The following PHF3 variants were observed in gnomAD, a reference collection of about 807,000 sequenced individuals.
PHF3 encodes the protein PHD finger protein 3.
Under a neutral mutation model 178.4 loss-of-function variants are expected in PHF3, and 41 were observed. That is an observed-to-expected ratio of 0.23 (90% CI 0.18 to 0.30). PHF3 has a LOEUF of 0.30. Among genes scored for constraint, PHF3 ranks in the 10% least tolerant of loss-of-function variants. The pLI is 1.00. For synonymous variants in PHF3, 842 were observed against 800.5 expected (o/e 1.05, Z -0.88); for missense variants, 2,346 against 2,398.1 (o/e 0.98, Z 0.45).
At chr6:63,662,612 T>C (rs1765515910) in intron 2 of PHF3, among the ~76,000 whole-genome samples, 1 of 152,230 alleles carries the variant, frequency 6.6e-6, no homozygotes, top group African/African-American at 2.4e-5. Context: ...GATCTGGATC[T>C]ACTGGTATTG....
At chr6:63,670,581 C>T (rs997041791) in intron 2 of PHF3, among the ~76,000 whole-genome samples, 7 of 152,012 alleles carry the variant, frequency 4.6e-5, no homozygotes, top group Admixed American at 2.0e-4. Flanking sequence ...CCACCGTGCC[C>T]GGCGGAGGTG....
At chr6:63,706,596 A>T (rs181348388) in intron 12 of PHF3, 133 bp from the exon 13 acceptor site, 8 of 693,134 alleles carry the variant, frequency 1.2e-5, no homozygotes, top group South Asian at 4.3e-5. Context: ...TTATAAAATG[A>T]AAGTGTGAAC....
At chr6:63,683,964 A>G (rs1044835334) in intron 3 of PHF3, among the ~76,000 whole-genome samples, 165 bp from the exon 4 acceptor site, 2 of 152,150 alleles carry the variant, frequency 1.3e-5, no homozygotes, top group Admixed American at 6.5e-5. Flanking sequence ...TAAATTATAT[A>G]TATGTGTATA....
At position 63,645,974 on chromosome 6, in the gene PHF3, C is replaced by T. The variant is rs571593916; in HGVS notation, c.-25-553C>T. On this transcript the variant is annotated intron_variant, in intron 1 of 15. Transcript: ENST00000262043. ...TTAATAGTTTCTTTTTCATTTTCCA[C>T]CTCTTCCCCCACAATAAAAGCCCTT... Among the ~76,000 whole-genome samples the T allele has an allele frequency of 4.6e-5, 7 of 152,040 alleles. 2 individuals carry two copies. The highest frequency in any genetic ancestry group is 1.7e-4 in the African/African-American group (7 of 41,512).
intron 13 of PHF3, among the ~76,000 whole-genome samples, 177 bp downstream of exon 13, chr6:63,707,053 C>G (rs1767724416): frequency 6.6e-6 from 1 of 152,108 alleles, no homozygotes; most frequent in Non-Finnish European, 1.5e-5. Flanking sequence ...GTAAAATAAA[C>G]TATTCTCTGA....
Position 63,722,333 on chromosome 6 carries a change from C to G in PHF3, c.*8625C>G, listed in dbSNP as rs960191267. ...AACTAGATAACTCCTACCTGTCCTT[C>G]AGGTTTCAGATCAAGTGTCACTTCC... On this transcript the variant is annotated 3_prime_UTR_variant, in exon 16 of 16. Coordinates refer to ENST00000262043, the MANE Select transcript of PHF3 (RefSeq NM_001370348.2). Among the ~76,000 whole-genome samples the G allele has an allele frequency of 2.0e-5, 3 of 152,170 alleles. No individual in the cohort carries two copies. Among genetic ancestry groups the G allele is most frequent in the African/African-American group, 2.4e-5 (1 of 41,444 alleles).
At position 63,684,595 on chromosome 6, in the gene PHF3, A is replaced by G; in HGVS notation, c.873A>G (p.Lys291=). The change falls in exon 4 of 16, where the codon AAA becomes AAG. Residue 291 remains lysine (K), a synonymous_variant. Transcript: ENST00000262043. ...GTCCATTGTTTAAGTTTTCAGATAAAGAAGAACATGAACAAAATGATTCCA... is the reference window on the plus strand; with the variant it reads ...GTCCATTGTTTAAGTTTTCAGATAAGGAAGAACATGAACAAAATGATTCCA... ...VGSPLFKFSD[K]EEHEQNDSIS... The G allele has an allele frequency of 6.2e-7, 1 of 1,613,956 alleles. No individual in the cohort carries two copies. Among genetic ancestry groups the G allele is most frequent in the Non-Finnish European group, 8.5e-7 (1 of 1,179,894 alleles).
rs200280070 is a variant in PHF3, at chr6:63,685,681, G to C, written c.1959G>C (p.Glu653Asp). The C allele has an allele frequency of 4.3e-6, 7 of 1,613,938 alleles. No individual in the cohort carries two copies. Among genetic ancestry groups the C allele is most frequent in the Admixed American group, 3.3e-5 (2 of 59,974 alleles). The change falls in exon 4 of 16, where the codon GAG becomes GAC. Residue 653 changes from glutamate to aspartate, a missense_variant. Physicochemically the swap from Glu to Asp is conservative, Grantham distance 45. Around this residue, in one of 8 missense-constraint regions of PHF3, gnomAD observed 843 missense variants for 795.2 expected, o/e 1.06. Coordinates refer to ENST00000262043, the MANE Select transcript of PHF3 (RefSeq NM_001370348.2). ...VKEELEHPGV[E>D]HFKEEDKLKL... is the part of the protein sequence containing the mutation. ...AAGAGCTTGAACACCCAGGCGTTGA[G>C]CATTTTAAGGAAGAGGATAAACTGA...
chr6:63,666,882 G>T (rs1224979710), intron 2 of PHF3, among the ~76,000 whole-genome samples: 1 of 151,848 alleles, frequency 6.6e-6, no homozygotes, highest in Non-Finnish European at 1.5e-5. Context: ...CTCCCAAGTA[G>T]CTGGGATTAC....
At chr6:63,659,645 A>G (rs1765384968) in intron 2 of PHF3, among the ~76,000 whole-genome samples, 1 of 152,192 alleles carries the variant, frequency 6.6e-6, no homozygotes, top group South Asian at 2.1e-4. Context: ...GAAGTGTTTC[A>G]GATTTTGGAT....
intron 6 of PHF3, among the ~76,000 whole-genome samples, chr6:63,695,213 A>G (rs1767182277): frequency 2.0e-5 from 3 of 152,184 alleles, no homozygotes; most frequent in Non-Finnish European, 2.9e-5. Flanking sequence ...GGACACATCA[A>G]ATCTTAAGGC....
Position 63,694,834 on chromosome 6 carries a change from A to G in PHF3, c.2680+70A>G, listed in dbSNP as rs546029356. The G allele has an allele frequency of 1.9e-5, 17 of 905,598 alleles. No homozygotes were observed. In the South Asian group the frequency reaches 4.3e-4, roughly 23 times the overall value. The allele number at this position is 905,598 out of a possible 1,614,324, so 56.1% of individuals were successfully genotyped here. On this transcript the variant is annotated intron_variant, in intron 6 of 15. Transcript: ENST00000262043. Reference sequence around the variant, plus strand: ...CTTATTTAAGATACAATTAATTAGTATACTTAGGGAATTTTTACAAATTTA... The same window carrying G: ...CTTATTTAAGATACAATTAATTAGTGTACTTAGGGAATTTTTACAAATTTA...
chr6:63,636,298 T>C (rs574947896), intron 1 of PHF3, 148 bp downstream of exon 1: 25 of 216,028 alleles, frequency 1.2e-4, no homozygotes, highest in Non-Finnish European at 2.1e-4. Context: ...AGAGATCGCC[T>C]CTCGGGCCTC....
At chr6:63,645,892 T>C (rs2149538923) in intron 1 of PHF3, among the ~76,000 whole-genome samples, 1 of 152,230 alleles carries the variant, frequency 6.6e-6, no homozygotes, top group African/African-American at 2.4e-5. Flanking sequence ...TGAAAAAAGG[T>C]GTGTTTGTGC....
chr6:63,706,768 T>C lies in PHF3; in HGVS notation c.3603T>C (p.Phe1201=). The change falls in exon 13 of 16, where the codon TTT becomes TTC. Residue 1201 remains phenylalanine (F), a synonymous_variant. Coordinates refer to ENST00000262043, the MANE Select transcript of PHF3 (RefSeq NM_001370348.2). The part of the protein sequence containing the change: ...MPGTVEVEST[F]LARLNFIWKG... The stretch of plus-strand genomic sequence containing the variant: ...GAACTGTTGAAGTTGAGTCTACCTT[T>C]CTGGCTCGATTGAACTTCATCTGGA... 3.7e-6 allele frequency: 6 copies of C among 1,614,032 alleles called. No individual in the cohort carries two copies. The highest frequency in any genetic ancestry group is 5.1e-6 in the Non-Finnish European group (6 of 1,179,924).
At chr6:63,695,085 A>G (rs1178875515) in intron 6 of PHF3, among the ~76,000 whole-genome samples, 1 of 152,156 alleles carries the variant, frequency 6.6e-6, no homozygotes, top group Non-Finnish European at 1.5e-5. Flanking sequence ...GAGTAATGGG[A>G]TGGATAGTCA....
intron 10 of PHF3, among the ~76,000 whole-genome samples, 163 bp downstream of exon 10, chr6:63,702,802 C>G (rs1254379702): frequency 6.6e-6 from 1 of 152,190 alleles, no homozygotes; most frequent in Non-Finnish European, 1.5e-5. Context: ...TGAGTAATGT[C>G]TCTCAAATTG....
intron 13 of PHF3, 121 bp from the exon 14 acceptor site, chr6:63,709,026 CTCTT>C (rs1420715453): frequency 3.8e-5 from 20 of 522,852 alleles, no homozygotes; most frequent in East Asian, 1.0e-4. Flanking sequence ...TTTTCATAAT[CTCTT>C]TATTTACTTG....
At position 63,674,679 on chromosome 6, in the gene PHF3, C is replaced by T. The variant is rs186140547; in HGVS notation, c.245-5321C>T. On this transcript the variant is annotated intron_variant, in intron 2 of 15. Transcript: ENST00000262043. ...GAGGAGGTGTTCACATATTTTCTTACTATACTTAACACAGCCCCTATAAAG... is the reference window on the plus strand; with the variant it reads ...GAGGAGGTGTTCACATATTTTCTTATTATACTTAACACAGCCCCTATAAAG... Among the ~76,000 whole-genome samples the T allele has an allele frequency of 8.7e-4, 133 of 152,174 alleles. 3 individuals carry two copies. In the East Asian group the frequency reaches 0.022, roughly 25 times the overall value.
Sources: allele counts gnomAD v4.1 joint callset (sites outside exome capture counted in the v4.1 genomes callset), GRCh38; gene constraint gnomAD v4.1.1; regional missense constraint gnomAD v4.1.1; transcripts MANE v1.5; gene names NCBI Gene and HGNC (gene_info 2026-07-23, HGNC 2026-07-21).